Variants in PDE1A observed in about 807,000 individuals in gnomAD.
The protein encoded by PDE1A is phosphodiesterase 1A, also known as dual specificity calcium/calmodulin-dependent 3',5'-cyclic nucleotide phosphodiesterase 1A.
In PDE1A, 35 loss-of-function variants were observed where a neutral mutation model predicts 61.7. That is an observed-to-expected ratio of 0.57 (90% CI 0.43 to 0.75). The LOEUF is 0.75. Ranked by LOEUF, PDE1A falls within the 30% of genes least tolerant of loss-of-function variation. PDE1A has a pLI of 0.00. For missense variants in PDE1A, 597 were observed against 630.6 expected (o/e 0.95, Z 0.57); for synonymous variants, 232 against 213.2 (o/e 1.09, Z -0.77).
the PDE1A span, among the ~76,000 whole-genome samples, chr2:182,558,652 G>C: frequency 5.3e-5 from 8 of 152,290 alleles, no homozygotes; most frequent in African/African-American, 1.7e-4. Flanking sequence ...AAGTGAAACA[G>C]CTAACAGTTC....
chr2:182,509,153 G>C (rs1689624098), intron 2 of PDE1A, among the ~76,000 whole-genome samples: 2 of 152,102 alleles, frequency 1.3e-5, no homozygotes, highest in Admixed American at 1.3e-4. Context: ...TGGTTGTTTG[G>C]TGTACCAAAG....
At chr2:182,320,334 G>A (rs1278977184) in intron 1 of PDE1A, among the ~76,000 whole-genome samples, 1 of 152,032 alleles carries the variant, frequency 6.6e-6, no homozygotes, top group Non-Finnish European at 1.5e-5. Context: ...GTAACCTGCC[G>A]GATCCTAAGG....
the PDE1A span, among the ~76,000 whole-genome samples, chr2:182,613,952 G>GATAATATAATA: frequency 2.0e-5 from 3 of 152,302 alleles, no homozygotes; most frequent in Non-Finnish European, 4.4e-5. Flanking sequence ...TCAGAAATTA[G>GATAATATAATA]TATGATAAGC....
intron 1 of PDE1A, among the ~76,000 whole-genome samples, chr2:182,291,765 G>A (rs904607011): frequency 1.3e-5 from 2 of 152,188 alleles, no homozygotes; most frequent in African/African-American, 2.4e-5. Context: ...GATAAAGACA[G>A]AGCTGGGGGT....
upstream of PDE1A, among the ~76,000 whole-genome samples, chr2:182,429,356 T>C (rs17265041): frequency 0.22 from 33,883 of 152,052 alleles, 4,063 homozygotes; most frequent in Middle Eastern, 0.42. Context: ...AATATATTCC[T>C]TACATTAACA....
chr2:182,366,009 T>C (rs1699819160), intron 1 of PDE1A, among the ~76,000 whole-genome samples: 1 of 151,988 alleles, frequency 6.6e-6, no homozygotes, highest in African/African-American at 2.4e-5. Context: ...GCCTCCTGAG[T>C]ACTAAGAGAT....
chr2:182,152,243 G>C (rs1690824387), intron 13 of PDE1A, among the ~76,000 whole-genome samples: 1 of 151,982 alleles, frequency 6.6e-6, no homozygotes, highest in African/African-American at 2.4e-5. Flanking sequence ...AGAATAAATT[G>C]GTGATCAAAG....
At chr2:182,426,955 C>A (rs1234880410) in exon 1 of PDE1A, 5 of 1,056,170 alleles carry the variant, frequency 4.7e-6, no homozygotes, top group Non-Finnish European at 5.7e-6. Flanking sequence ...AACTTCCTAC[C>A]CCAGTGTCAT....
intron 2 of PDE1A, among the ~76,000 whole-genome samples, chr2:182,497,670 T>G (rs1454101689): frequency 6.6e-6 from 1 of 152,142 alleles, no homozygotes; most frequent in African/African-American, 2.4e-5. Context: ...TTAGATTATT[T>G]GCCCTTATAG....
chr2:182,663,294 A>G, the PDE1A span, among the ~76,000 whole-genome samples: 1 of 152,066 alleles, frequency 6.6e-6, no homozygotes, highest in Non-Finnish European at 1.5e-5. Flanking sequence ...AGACAGAAAA[A>G]CCATTCAAGC....
intron 1 of PDE1A, among the ~76,000 whole-genome samples, chr2:182,309,861 T>TA (rs1394246533): frequency 2.0e-5 from 3 of 152,088 alleles, no homozygotes; most frequent in Non-Finnish European, 2.9e-5. Context: ...GGTGGAAAAG[T>TA]TGCCTTGGAA....
intron 8 of PDE1A, among the ~76,000 whole-genome samples, chr2:182,202,418 C>T (rs1013711669): frequency 3.9e-5 from 6 of 152,004 alleles, no homozygotes; most frequent in Admixed American, 3.3e-4. Context: ...CATATAATAC[C>T]GATAATAAAA....
chr2:182,284,382 T>C (rs1694021970), intron 1 of PDE1A, among the ~76,000 whole-genome samples: 1 of 152,130 alleles, frequency 6.6e-6, no homozygotes, highest in Non-Finnish European at 1.5e-5. Context: ...ACTAAGATTT[T>C]AATAAGATGA....
At chr2:182,602,981 T>TCA in the PDE1A span, among the ~76,000 whole-genome samples, 303 of 148,766 alleles carry the variant, frequency 2.0e-3, 2 homozygotes, top group Middle Eastern at 6.9e-3. Flanking sequence ...CTAAAATACA[T>TCA]CACACACACA....
At chr2:182,531,028 T>C in the PDE1A span, among the ~76,000 whole-genome samples, 10 of 152,100 alleles carry the variant, frequency 6.6e-5, no homozygotes, top group African/African-American at 1.9e-4. Flanking sequence ...AGTTCTATAC[T>C]TCTCTCAAAC....
At chr2:182,403,326 G>A (rs566994032) in intron 1 of PDE1A, among the ~76,000 whole-genome samples, 4 of 152,128 alleles carry the variant, frequency 2.6e-5, no homozygotes, top group African/African-American at 4.8e-5. Flanking sequence ...TAGGCCAGGC[G>A]CGGTGGCTCA....
chr2:182,412,141 G>A (rs1422089861), intron 1 of PDE1A, among the ~76,000 whole-genome samples: 2 of 151,902 alleles, frequency 1.3e-5, no homozygotes, highest in Non-Finnish European at 2.9e-5. Flanking sequence ...CACCAACCTA[G>A]GTAAATTTTT....
chr2:182,211,049 C>A (rs1687549783), intron 7 of PDE1A, among the ~76,000 whole-genome samples: 1 of 152,058 alleles, frequency 6.6e-6, no homozygotes, highest in African/African-American at 2.4e-5. Context: ...GAGAGCAAAC[C>A]CTCTCTGGCA....
chr2:182,679,787 T>C, the PDE1A span, among the ~76,000 whole-genome samples: 2 of 152,172 alleles, frequency 1.3e-5, no homozygotes, highest in Non-Finnish European at 2.9e-5. Context: ...TGATTTTATT[T>C]AAATAATCAA....
Sources: gnomAD v4.1 joint callset for allele counts (sites outside exome capture counted in the v4.1 genomes callset) on GRCh38, gnomAD v4.1.1 for gene constraint, MANE v1.5 for transcripts, NCBI Gene and HGNC (gene_info 2026-07-23, HGNC 2026-07-21) for gene names.